TTC3: variants seen among roughly 807,000 people sequenced by gnomAD.
TTC3 encodes the protein tetratricopeptide repeat domain 3.
Under a neutral mutation model 249.6 loss-of-function variants are expected in TTC3, and 180 were observed. The observed-to-expected ratio is 0.72, with a 90% CI of 0.64 to 0.82. TTC3 has a LOEUF of 0.82. Ranked by LOEUF, TTC3 falls within the 40% of genes least tolerant of loss-of-function variation. The pLI is 0.00. For missense variants in TTC3, 2,061 were observed against 2,398.4 expected (o/e 0.86, Z 2.94); for synonymous variants, 717 against 805.0 (o/e 0.89, Z 1.85).
In TTC3 at chr21:37,087,826, T is replaced by C; in HGVS notation, c.145-7T>C. On this transcript the variant is annotated splice_region_variant and splice_polypyrimidine_tract_variant and intron_variant, in intron 2 of 45. Coordinates refer to ENST00000355666, the Ensembl canonical transcript of TTC3. Reference sequence around the variant, plus strand: ...GACACAAATCAAAATAATTTTCTTCTTTTTAGGGTGTGCAATATAAAGATT... The same window carrying C: ...GACACAAATCAAAATAATTTTCTTCCTTTTAGGGTGTGCAATATAAAGATT... The C allele has an allele frequency of 6.3e-7, 1 of 1,586,958 alleles. No homozygotes were observed. Among genetic ancestry groups the C allele is most frequent in the Non-Finnish European group, 8.6e-7 (1 of 1,162,990 alleles).
At chr21:37,159,275 G>A (rs2080441790) in intron 28 of TTC3, among the ~76,000 whole-genome samples, 1 of 150,512 alleles carries the variant, frequency 6.6e-6, no homozygotes, top group South Asian at 2.1e-4. Context: ...CCTCCTGTGG[G>A]CCTCTCCCTT....
intron 10 of TTC3, among the ~76,000 whole-genome samples, chr21:37,097,494 A>T (rs1029233294): frequency 6.6e-6 from 1 of 152,196 alleles, no homozygotes; most frequent in South Asian, 2.1e-4. Flanking sequence ...AAGGTCCTGC[A>T]TAGGTATTAG....
At chr21:37,165,523 C>T (rs770947489) in intron 32 of TTC3, 27 bp from the exon 33 acceptor site, 2 of 1,540,788 alleles carry the variant, frequency 1.3e-6, no homozygotes, top group South Asian at 2.4e-5. Flanking sequence ...CTTATAGTAA[C>T]TCATGTAAAT....
chr21:37,186,659 C>A (rs2083319689), intron 37 of TTC3, among the ~76,000 whole-genome samples: 1 of 152,108 alleles, frequency 6.6e-6, no homozygotes, highest in Non-Finnish European at 1.5e-5. Context: ...ACTTCTGGGC[C>A]CAAGCGATCC....
chr21:37,139,084 G>A (rs1373061592), intron 19 of TTC3, among the ~76,000 whole-genome samples: 1 of 152,008 alleles, frequency 6.6e-6, no homozygotes, highest in Non-Finnish European at 1.5e-5. Context: ...TGAATTCTGT[G>A]CATCTTGTAA....
intron 7 of TTC3, 146 bp downstream of exon 7, chr21:37,091,559 CTTT>C (rs920854408): frequency 7.7e-6 from 2 of 260,780 alleles, no homozygotes; most frequent in Non-Finnish European, 1.3e-5. Flanking sequence ...AAGAGAATTT[CTTT>C]TTTTTATTAT....
chr21:37,103,416 G>T (rs2074720757), intron 10 of TTC3, among the ~76,000 whole-genome samples: 1 of 152,108 alleles, frequency 6.6e-6, no homozygotes, highest in Non-Finnish European at 1.5e-5. Flanking sequence ...TTGCACAGGG[G>T]ATTGCTGCTA....
At chr21:37,074,492 C>A (rs1398212038) in intron 1 of TTC3, among the ~76,000 whole-genome samples, 1 of 152,134 alleles carries the variant, frequency 6.6e-6, no homozygotes, top group Non-Finnish European at 1.5e-5. Context: ...GGTCCTTAGG[C>A]GTTCTTGATG....
At chr21:37,187,797 C>G (rs1455208827) in intron 38 of TTC3, 2 of 152,162 alleles carry the variant, frequency 1.3e-5, no homozygotes, top group Admixed American at 1.3e-4. Flanking sequence ...GACTATGCAC[C>G]TGCTTCTAAG....
chr21:37,117,804 G>C (rs932934217), intron 11 of TTC3, among the ~76,000 whole-genome samples: 1 of 139,490 alleles, frequency 7.2e-6, no homozygotes, highest in African/African-American at 2.8e-5. Flanking sequence ...CAGGAAGTAT[G>C]AGGCTGCAGC....
Position 37,091,322 on chromosome 21 carries a change from T to C in TTC3, c.510T>C (p.Asn170=), listed in dbSNP as rs372508911. The C allele has an allele frequency of 7.8e-5, 125 of 1,611,616 alleles. No homozygotes were observed. In the Admixed American group the frequency reaches 2.0e-3, roughly 26 times the overall value. ...TCTTGGCAATGGAAGAAGCTCTGAA[T>C]TGGATAAAATATGCAGGCGATGTAA... is the stretch of plus-strand genomic sequence containing the variant. The change falls in exon 7 of 46, where the codon AAT becomes AAC. Residue 170 remains asparagine (N), a synonymous_variant. Transcript: ENST00000355666.
At chr21:37,097,893 GTTTTTC>G (rs2074098863) in intron 10 of TTC3, 2 of 699,638 alleles carry the variant, frequency 2.9e-6, no homozygotes, top group African/African-American at 3.6e-5. Context: ...CATTTATTGT[GTTTTTC>G]TTTTATTGTA....
intron 11 of TTC3, among the ~76,000 whole-genome samples, chr21:37,114,033 T>G (rs1417329587): frequency 6.6e-6 from 1 of 152,150 alleles, no homozygotes; most frequent in African/African-American, 2.4e-5. Context: ...ATACAAAAAT[T>G]AATTCAAGAT....
At chr21:37,104,605 AAAAAG>A (rs1568926665) in intron 10 of TTC3, among the ~76,000 whole-genome samples, 3 of 151,302 alleles carry the variant, frequency 2.0e-5, no homozygotes, top group Admixed American at 6.6e-5. Context: ...AAAAAAAAAA[AAAAAG>A]AAAGAAGTGC....
chr21:37,157,407 G>A (rs1283118487), intron 28 of TTC3, among the ~76,000 whole-genome samples: 1 of 152,162 alleles, frequency 6.6e-6, no homozygotes, highest in Non-Finnish European at 1.5e-5. Context: ...GCCCAGTGAT[G>A]GGTGTTGAGA....
chr21:37,151,693 C>G (rs1171903194), intron 25 of TTC3, among the ~76,000 whole-genome samples, 200 bp from the exon 26 acceptor site: 2 of 152,104 alleles, frequency 1.3e-5, no homozygotes, highest in African/African-American at 2.4e-5. Context: ...TAGACATCAC[C>G]TAATCATTGA....
At chr21:37,183,678 A>G (rs1235085239) in intron 36 of TTC3, among the ~76,000 whole-genome samples, 1 of 149,788 alleles carries the variant, frequency 6.7e-6, no homozygotes, top group Non-Finnish European at 1.5e-5. Flanking sequence ...GCTTGGCCTC[A>G]CTTTCTCTCT....
chr21:37,192,758 T>C (rs2084336182), intron 41 of TTC3, among the ~76,000 whole-genome samples: 2 of 152,242 alleles, frequency 1.3e-5, no homozygotes, highest in South Asian at 4.1e-4. Flanking sequence ...CATCATATTT[T>C]ACTATTTGTT....
At chr21:37,151,662 A>G (rs1280276232) in intron 25 of TTC3, among the ~76,000 whole-genome samples, 6 of 152,210 alleles carry the variant, frequency 3.9e-5, no homozygotes. Context: ...TGACATCTAT[A>G]CAATCTGTAG....
Sources: allele counts gnomAD v4.1 joint callset (sites outside exome capture counted in the v4.1 genomes callset), GRCh38; gene constraint gnomAD v4.1.1; transcripts MANE v1.5; gene names NCBI Gene and HGNC (gene_info 2026-07-23, HGNC 2026-07-21).